SLC38A6: variants seen among roughly 807,000 people sequenced by gnomAD.
SLC38A6 encodes the protein solute carrier family 38 member 6, also known as N system amino acid transporter NAT-1.
SLC38A6 carries 73 observed loss-of-function variants against 65.0 expected under a neutral mutation model. The observed-to-expected ratio is 1.12, with a 90% CI of 0.93 to 1.37. The LOEUF is 1.37. Among genes scored for constraint, SLC38A6 ranks in the 40% most tolerant of loss-of-function variants. The pLI is 0.00. For synonymous variants in SLC38A6, 183 were observed against 178.8 expected, an observed-to-expected ratio of 1.02 and a Z score of -0.19; for missense variants, 561 against 531.1, an observed-to-expected ratio of 1.06 and a Z score of -0.55.
At chr14:60,993,849 A>C (rs968174131) in intron 3 of SLC38A6, among the ~76,000 whole-genome samples, 19 of 152,236 alleles carry the variant, frequency 1.2e-4, no homozygotes, top group Admixed American at 6.5e-5. Flanking sequence ...TATATACTAA[A>C]ACAGCCACAT....
chr14:60,999,056 G>A (rs2038506936), intron 3 of SLC38A6, among the ~76,000 whole-genome samples: 1 of 152,190 alleles, frequency 6.6e-6, no homozygotes, highest in African/African-American at 2.4e-5. Flanking sequence ...ACCAAAAATA[G>A]TTTACTGTTA....
In SLC38A6 at chr14:61,014,698, G is replaced by A. The variant is rs143684852; in HGVS notation, c.311-1206G>A. 5.3e-3 allele frequency among the ~76,000 whole-genome samples: 810 copies of A among 152,260 alleles called. 7 individuals are homozygous for A. The highest frequency in any genetic ancestry group is 0.018 in the African/African-American group (765 of 41,562). On this transcript the variant is annotated intron_variant, in intron 3 of 15. Transcript: ENST00000267488. ...TCAGCAGCAGAGGCTGCAGAACAGCGGATATTGGTGAACAGCAAATGTTGC... is the reference window on the plus strand; with the variant it reads ...TCAGCAGCAGAGGCTGCAGAACAGCAGATATTGGTGAACAGCAAATGTTGC...
At position 60,981,320 on chromosome 14, in the gene SLC38A6, T is replaced by A. The variant is rs746371479; in HGVS notation, c.43T>A (p.Tyr15Asn). Reference protein sequence around the residue: ...WGSFNAERGWYVSVQQPEEAE... With the variant: ...WGSFNAERGWNVSVQQPEEAE... Reference sequence around the variant, plus strand: ...GAGCTTCAACGCTGAGCGGGGCTGGTATGTCTCTGTCCAGCAGCCTGAAGA... The same window carrying A: ...GAGCTTCAACGCTGAGCGGGGCTGGAATGTCTCTGTCCAGCAGCCTGAAGA... Residue 15 changes from tyrosine to asparagine, a missense_variant, in exon 1 of 16, where the codon TAT becomes AAT. Transcript: ENST00000267488. The A allele has an allele frequency of 5.6e-6, 9 of 1,610,508 alleles. No homozygotes were observed. The highest frequency in any genetic ancestry group is 1.3e-5 in the African/African-American group (1 of 74,878).
At chr14:61,066,767 C>T (rs181159367) in intron 15 of SLC38A6, among the ~76,000 whole-genome samples, 89 of 152,032 alleles carry the variant, frequency 5.9e-4, no homozygotes, top group East Asian at 5.0e-3. Flanking sequence ...ATTTTTTATC[C>T]GTATTTGATT....
At chr14:60,981,592 G>A (rs2037025547) in intron 1 of SLC38A6, 1 of 1,502,074 alleles carries the variant, frequency 6.7e-7, no homozygotes, top group Non-Finnish European at 8.9e-7. Context: ...ACTCTAGAAA[G>A]AAAAGATGAA....
At chr14:61,076,078 C>T (rs2043406184) in intron 15 of SLC38A6, among the ~76,000 whole-genome samples, 1 of 152,012 alleles carries the variant, frequency 6.6e-6, no homozygotes, top group South Asian at 2.1e-4. Context: ...TGGTCTTGAA[C>T]TCCCGACCTC....
At chr14:61,035,361 T>C (rs2041284474) in intron 6 of SLC38A6, among the ~76,000 whole-genome samples, 1 of 152,170 alleles carries the variant, frequency 6.6e-6, no homozygotes, top group African/African-American at 2.4e-5. Context: ...TATATCATCA[T>C]CATTTTCCAT....
chr14:61,074,094 A>G (rs1304977920), intron 15 of SLC38A6, among the ~76,000 whole-genome samples: 1 of 152,218 alleles, frequency 6.6e-6, no homozygotes, highest in African/African-American at 2.4e-5. Flanking sequence ...ACAGTAGGCT[A>G]TTAGCAGTTA....
intron 8 of SLC38A6, among the ~76,000 whole-genome samples, chr14:61,039,348 A>G (rs1349046342): frequency 6.6e-6 from 1 of 151,850 alleles, no homozygotes; most frequent in African/African-American, 2.4e-5. Context: ...ACTCTTTTTA[A>G]TTGGCATGTT....
rs2139724468 is a variant in SLC38A6 at position 61,037,144 on chromosome 14, A to G, written c.565+3A>G. 1 of 1,587,386 alleles carries G rather than the reference A, an allele frequency of 6.3e-7. No individual in the cohort carries two copies. On this transcript the variant is annotated splice_donor_region_variant and intron_variant, in intron 7 of 15. Transcript: ENST00000267488. Reference sequence around the variant, plus strand: ...TCTTGCACTTCTTCCCAAAATAGGTAAGTCTTTATAGAGCACATTATTTGT... The same window carrying G: ...TCTTGCACTTCTTCCCAAAATAGGTGAGTCTTTATAGAGCACATTATTTGT...
rs563879606 is a variant in SLC38A6 at position 61,064,130 on chromosome 14, G to T, written c.1290+11995G>T. On this transcript the variant is annotated intron_variant, in intron 15 of 16. Transcript: ENST00000354886. ...GAGTGCTTTCCCACAGTTTACCTCA[G>T]CTGTACTCTCCTACTAATAATGCCT... Among the ~76,000 whole-genome samples, 8 of 152,280 alleles carry T rather than the reference G, an allele frequency of 5.3e-5. No homozygotes were observed. The South Asian group carries it at 1.7e-3, about 32-fold the overall frequency.
chr14:60,991,380 A>T (rs1231161083), intron 3 of SLC38A6, among the ~76,000 whole-genome samples: 4 of 152,192 alleles, frequency 2.6e-5, no homozygotes. Context: ...ATGAATATTC[A>T]TTTAATCTTC....
chr14:61,030,229 T>G (rs2040872721), intron 5 of SLC38A6, among the ~76,000 whole-genome samples: 1 of 151,824 alleles, frequency 6.6e-6, no homozygotes, highest in Non-Finnish European at 1.5e-5. Flanking sequence ...CTTAATGAAC[T>G]TAACAATTGT....
chr14:60,988,006 G>A (rs1246384977), intron 3 of SLC38A6, among the ~76,000 whole-genome samples: 1 of 152,026 alleles, frequency 6.6e-6, no homozygotes, highest in Non-Finnish European at 1.5e-5. Flanking sequence ...TTCTGACCTC[G>A]TCTTCCACTG....
At chr14:61,013,039 A>C (rs990828406) in intron 3 of SLC38A6, among the ~76,000 whole-genome samples, 1 of 152,138 alleles carries the variant, frequency 6.6e-6, no homozygotes, top group Non-Finnish European at 1.5e-5. Flanking sequence ...GTAGGTCTCT[A>C]AGGACTTGCT....
intron 6 of SLC38A6, among the ~76,000 whole-genome samples, chr14:61,034,744 A>G (rs1290132554): frequency 2.6e-5 from 4 of 152,126 alleles, no homozygotes; most frequent in Admixed American, 1.3e-4. Flanking sequence ...GCATACCAGG[A>G]ATTGAGGGGC....
intron 11 of SLC38A6, among the ~76,000 whole-genome samples, chr14:61,045,705 G>A (rs2042098271): frequency 6.6e-6 from 1 of 152,110 alleles, no homozygotes; most frequent in Middle Eastern, 3.4e-3. Flanking sequence ...CCAACATGGT[G>A]AAACCCCGTC....
rs545514223 is a variant in SLC38A6 at position 61,073,633 on chromosome 14, T to C, written c.1291-5177T>C. ...TCCTCTGTAAGTTCTTTACCATCTT[T>C]TTATGATGAAAAATTTTAAACATGA... is the stretch of plus-strand genomic sequence containing the variant. On this transcript the variant is annotated intron_variant, in intron 15 of 16. Transcript: ENST00000354886. 2.0e-5 allele frequency among the ~76,000 whole-genome samples: 3 copies of C among 152,314 alleles called. No homozygotes were observed. In the South Asian group the frequency reaches 6.2e-4, roughly 32 times the overall value.
At position 60,982,553 on chromosome 14, in the gene SLC38A6, G is replaced by A; in HGVS notation, c.151G>A (p.Val51Met). The change falls in exon 2 of 16, where the codon GTG becomes ATG. Residue 51 changes from valine to methionine, a missense_variant. Transcript: ENST00000267488. ...RSPGVSFGLS[V>M]FNLMNAIMGS... The stretch of plus-strand genomic sequence containing the variant: ...CCCAGGTGTTTCATTTGGTTTATCA[G>A]TGTTTAATTTGATGAATGCCATCAT... 6.2e-7 allele frequency: 1 copy of A among 1,614,012 alleles called. No homozygotes were observed. The highest frequency in any genetic ancestry group is 1.7e-5 in the Admixed American group (1 of 59,988).
Sources: allele counts gnomAD v4.1 joint callset (sites outside exome capture counted in the v4.1 genomes callset), GRCh38; gene constraint gnomAD v4.1.1; transcripts MANE v1.5; gene names NCBI Gene and HGNC (gene_info 2026-07-23, HGNC 2026-07-21).